UBE2Q1: variants seen among roughly 807,000 people sequenced by gnomAD.
UBE2Q1 encodes the protein ubiquitin-conjugating enzyme E2 Q1.
In UBE2Q1, 6 loss-of-function variants were observed where a neutral mutation model predicts 60.1. The ratio of observed to expected loss-of-function variants is 0.10; its 90% confidence interval spans 0.05 to 0.20. The LOEUF is 0.20. UBE2Q1 is among the 10% of genes least tolerant of loss of function. UBE2Q1 has a pLI of 1.00. For missense variants in UBE2Q1, 262 were observed against 525.8 expected, an observed-to-expected ratio of 0.50 and a Z score of 4.91; for synonymous variants, 226 against 208.3, an observed-to-expected ratio of 1.09 and a Z score of -0.73.
intron 3 of UBE2Q1, chr1:154,555,009 C>G: frequency 1.8e-6 from 1 of 552,662 alleles, no homozygotes; most frequent in Non-Finnish European, 3.2e-6. Flanking sequence ...AAAAGAAAAG[C>G]AAAATGGCTG....
intron 1 of UBE2Q1, among the ~76,000 whole-genome samples, chr1:154,557,616 G>A (rs904360510): frequency 6.6e-6 from 1 of 152,126 alleles, no homozygotes; most frequent in Non-Finnish European, 1.5e-5. Flanking sequence ...GCTACCAGCT[G>A]AGGCAAAAAG....
In UBE2Q1 at chr1:154,558,407, C is replaced by T; in HGVS notation, c.147G>A (p.Glu49=). The change falls in exon 1 of 13, where the codon GAG becomes GAA. Residue 49 remains glutamate (E), a synonymous_variant. Transcript: ENST00000292211. ...PCLRRELKLL[E]SIFHRGHERF... ...GCTCGTGGCCGCGGTGGAAGATGGACTCGAGCAGCTTCAGCTCTCGCCTCA... is the reference window on the plus strand; with the variant it reads ...GCTCGTGGCCGCGGTGGAAGATGGATTCGAGCAGCTTCAGCTCTCGCCTCA... 6.6e-7 allele frequency: 1 copy of T among 1,523,540 alleles called. No homozygotes were observed. 94.4% of individuals were successfully genotyped at this position (1,523,540 alleles called of 1,614,324 possible).
At chr1:154,555,639 A>C (rs1052200499) in intron 2 of UBE2Q1, 107 bp from the exon 3 acceptor site, 5 of 1,124,210 alleles carry the variant, frequency 4.4e-6, no homozygotes, top group Non-Finnish European at 6.7e-6. Context: ...TAGTTCTCTA[A>C]GCCTTATGGG....
At chr1:154,554,503 G>A in intron 4 of UBE2Q1, 2 of 408,360 alleles carry the variant, frequency 4.9e-6, no homozygotes, top group Admixed American at 8.3e-5. Context: ...AAAGCCATTT[G>A]AAATTAACTT....
chr1:154,558,624 C>CTT lies in UBE2Q1; in HGVS notation c.-72_-71insAA. The CTT allele has an allele frequency of 1.0e-6, 1 of 983,226 alleles. No homozygotes were observed. The highest frequency in any genetic ancestry group is 2.1e-5 in the African/African-American group (1 of 47,458). 60.9% of individuals were successfully genotyped at this position (983,226 alleles called of 1,614,324 possible). ...GCCTGCGCTCCGGGCTCCGCCGCCG[C>CTT]CGCCGCCGCCGCCGCCGCCGCCGCG... On this transcript the variant is annotated 5_prime_UTR_variant, in exon 1 of 13. Transcript: ENST00000292211.
chr1:154,551,727 T>G (rs546995265), intron 10 of UBE2Q1, 44 bp downstream of exon 10: 6 of 1,613,354 alleles, frequency 3.7e-6, no homozygotes, highest in Middle Eastern at 3.3e-4. Context: ...GCTCAGACAA[T>G]CCCCGCCCAG....
At position 154,558,447 on chromosome 1, in the gene UBE2Q1, C is replaced by G. The variant is rs1161574903; in HGVS notation, c.107G>C (p.Gly36Ala). ...GAGGGPGGGP[G>A]PGPCLRRELK... ...CTCTCGCCTCAGGCAGGGCCCCGGCCCCGGGCCCCCCCCTGGGCCGCCCCC... is the reference window on the plus strand; with the variant it reads ...CTCTCGCCTCAGGCAGGGCCCCGGCGCCGGGCCCCCCCCTGGGCCGCCCCC... The change falls in exon 1 of 13, where the codon GGG becomes GCG. Residue 36 changes from glycine to alanine, a missense_variant. Physicochemically the swap from Gly to Ala is moderately conservative, Grantham distance 60. Around this residue, in one of 5 missense-constraint regions of UBE2Q1, gnomAD observed 70 missense variants for 56.7 expected, o/e 1.24. Transcript: ENST00000292211. 1 of 1,470,672 alleles carries G rather than the reference C, an allele frequency of 6.8e-7. No homozygotes were observed. The highest frequency in any genetic ancestry group is 2.4e-5 in the Admixed American group (1 of 41,142). The allele number at this position is 1,470,672 out of a possible 1,614,324, so 91.1% of individuals were successfully genotyped here.
Position 154,550,376 on chromosome 1 carries a change from C to T in UBE2Q1, c.*62G>A. On this transcript the variant is annotated 3_prime_UTR_variant, in exon 13 of 13. Coordinates refer to ENST00000292211, the MANE Select transcript of UBE2Q1 (RefSeq NM_017582.7). ...ACAGAGGCAGCGTGAGATCCAAATA[C>T]AGCATTCAAAGGTAATTGGTCCAGT... 7 of 1,606,832 alleles carry T rather than the reference C, an allele frequency of 4.4e-6. No homozygotes were observed. Among genetic ancestry groups the T allele is most frequent in the Non-Finnish European group, 5.1e-6 (6 of 1,174,352 alleles).
In UBE2Q1 at chr1:154,552,716, CCT is replaced by C. The variant is rs1399422264; in HGVS notation, c.814+18_814+19del. On this transcript the variant is annotated intron_variant, in intron 6 of 12. Coordinates refer to ENST00000292211, the MANE Select transcript of UBE2Q1 (RefSeq NM_017582.7). ...TTTATGGGTGACTCTTGTGCAGGCC[CCT>C]CTCTGGGGCAAACTCACCGCCTTTG... 4 of 1,612,140 alleles carry C rather than the reference CCT, an allele frequency of 2.5e-6. No individual in the cohort carries two copies. The African/African-American group carries it at 5.3e-5, about 22-fold the overall frequency.
Position 154,552,435 on chromosome 1 carries a change from T to G in UBE2Q1, c.844A>C (p.Ser282Arg). 6.2e-7 allele frequency: 1 copy of G among 1,614,188 alleles called. No individual in the cohort carries two copies. The highest frequency in any genetic ancestry group is 8.5e-7 in the Non-Finnish European group (1 of 1,180,034). The change falls in exon 7 of 13, where the codon AGT becomes CGT. Residue 282 changes from serine (S) to arginine (R), a missense_variant. This residue lies in a region of UBE2Q1 where 111 missense variants were observed against 266.8 expected (regional missense o/e 0.42). Coordinates refer to ENST00000292211, the MANE Select transcript of UBE2Q1 (RefSeq NM_017582.7). ...GNYAVELVND[S>R]LYDWNVKLLK... ...AGTTTGACATTCCAATCATACAGAC[T>G]GTCATTCACGAGTTCGACTGCATAG...
chr1:154,558,436 A>T lies in UBE2Q1; in HGVS notation c.118T>A (p.Cys40Ser). 2 of 1,490,850 alleles carry T rather than the reference A, an allele frequency of 1.3e-6. No individual in the cohort carries two copies. Among genetic ancestry groups the T allele is most frequent in the Non-Finnish European group, 1.8e-6 (2 of 1,124,604 alleles). The allele number at this position is 1,490,850 out of a possible 1,614,324, so 92.4% of individuals were successfully genotyped here. ...GPGGGPGPGP[C>S]LRRELKLLES... Reference sequence around the variant, plus strand: ...AGCAGCTTCAGCTCTCGCCTCAGGCAGGGCCCCGGCCCCGGGCCCCCCCCT... The same window carrying T: ...AGCAGCTTCAGCTCTCGCCTCAGGCTGGGCCCCGGCCCCGGGCCCCCCCCT... The change falls in exon 1 of 13, where the codon TGC becomes AGC. Residue 40 changes from cysteine (C) to serine (S), a missense_variant. This residue lies in a region of UBE2Q1 where 70 missense variants were observed against 56.7 expected (regional missense o/e 1.24). Transcript: ENST00000292211.
In UBE2Q1 at chr1:154,558,464, G is replaced by A. The variant is rs1695933612; in HGVS notation, c.90C>T (p.Gly30=). The change falls in exon 1 of 13, where the codon GGC becomes GGT. Residue 30 remains glycine (G), a synonymous_variant. Coordinates refer to ENST00000292211, the MANE Select transcript of UBE2Q1 (RefSeq NM_017582.7). ...GQGAAPGAGG[G]PGGGPGPGPC... ...GCCCCGGCCCCGGGCCCCCCCCTGG[G>A]CCGCCCCCGGCCCCCGGCGCCGCCC... The A allele has an allele frequency of 7.5e-7, 1 of 1,333,524 alleles. No individual in the cohort carries two copies. Among genetic ancestry groups the A allele is most frequent in the Non-Finnish European group, 9.5e-7 (1 of 1,047,372 alleles). 82.6% of individuals were successfully genotyped at this position (1,333,524 alleles called of 1,614,324 possible). A position where few individuals can be genotyped will look rare whatever the true frequency, so the allele number is the denominator to read the frequency against.
At chr1:154,555,270 T>C (rs1039368217) in intron 3 of UBE2Q1, among the ~76,000 whole-genome samples, 158 bp downstream of exon 3, 2 of 152,220 alleles carry the variant, frequency 1.3e-5, no homozygotes, top group Admixed American at 1.3e-4. Flanking sequence ...CAAAAGAAGA[T>C]TCCCATCTGG....
rs776677997 is a variant in UBE2Q1, at chr1:154,552,840, G to A, written c.730-20C>T. The A allele has an allele frequency of 7.4e-6, 12 of 1,613,162 alleles. No individual in the cohort carries two copies. The Middle Eastern group carries it at 6.6e-4, about 88-fold the overall frequency. ...TGCACCCTGTGAGGGACGGATGACA[G>A]GAACATTCCTTGGTCGTGTGGTTTA... On this transcript the variant is annotated intron_variant, in intron 5 of 12. Coordinates refer to ENST00000292211, the MANE Select transcript of UBE2Q1 (RefSeq NM_017582.7).
In UBE2Q1 at chr1:154,550,408, T is replaced by C. The variant is rs956809619; in HGVS notation, c.*30A>G. On this transcript the variant is annotated 3_prime_UTR_variant, in exon 13 of 13. Transcript: ENST00000292211. ...CAAAGGTAATTGGTCCAGTGGTGCC[T>C]GGGGAGGGAGGAAGGGTGATACTCC... 9 of 1,613,762 alleles carry C rather than the reference T, an allele frequency of 5.6e-6. No individual in the cohort carries two copies. The highest frequency in any genetic ancestry group is 1.3e-5 in the African/African-American group (1 of 74,890).
chr1:154,558,001 T>C (rs1695921955), intron 1 of UBE2Q1, among the ~76,000 whole-genome samples: 1 of 151,978 alleles, frequency 6.6e-6, no homozygotes, highest in African/African-American at 2.4e-5. Context: ...ACGGGTAGTC[T>C]AGGCGCCATA....
chr1:154,552,997 A>G, intron 5 of UBE2Q1, 35 bp downstream of exon 5: 1 of 1,610,518 alleles, frequency 6.2e-7, no homozygotes, highest in Non-Finnish European at 8.5e-7. Context: ...TTTCCCACCA[A>G]CCCCTTCACC....
intron 1 of UBE2Q1, among the ~76,000 whole-genome samples, chr1:154,557,783 A>G (rs879686736): frequency 6.6e-6 from 1 of 152,192 alleles, no homozygotes; most frequent in Admixed American, 6.5e-5. Flanking sequence ...CTCCTAAGTC[A>G]GAGGTACTAC....
intron 1 of UBE2Q1, 42 bp from the exon 2 acceptor site, chr1:154,556,006 T>C (rs1323220470): frequency 3.8e-6 from 6 of 1,588,848 alleles, no homozygotes; most frequent in South Asian, 2.2e-5. Context: ...AATGGGTGAC[T>C]CTGGGAAAAG....
Sources: allele counts gnomAD v4.1 joint callset (sites outside exome capture counted in the v4.1 genomes callset), GRCh38; gene constraint gnomAD v4.1.1; regional missense constraint gnomAD v4.1.1; transcripts MANE v1.5; gene names NCBI Gene and HGNC (gene_info 2026-07-23, HGNC 2026-07-21).